Variants in LINGO1 observed in about 807,000 individuals in gnomAD.
The protein encoded by LINGO1 is leucine-rich repeat and immunoglobulin-like domain-containing nogo receptor-interacting protein 1.
Under a neutral mutation model 37.3 loss-of-function variants are expected in LINGO1, and 11 were observed. The ratio of observed to expected loss-of-function variants is 0.29; its 90% CI spans 0.19 to 0.49. The LOEUF (loss-of-function observed/expected upper bound fraction) is 0.49, where lower values mean the gene tolerates loss of function less well. Among genes scored for constraint, LINGO1 ranks in the 20% least tolerant of loss-of-function variants. The pLI is 0.99. For synonymous variants in LINGO1, 387 were observed against 403.0 expected, an observed-to-expected ratio of 0.96 and a Z score of 0.48; for missense variants, 585 against 878.2, an observed-to-expected ratio of 0.67 and a Z score of 4.22.
chr15:77,766,529 C>T (rs2076532162), intron 1 of LINGO1, among the ~76,000 whole-genome samples: 1 of 152,058 alleles, frequency 6.6e-6, no homozygotes, highest in African/African-American at 2.4e-5. Flanking sequence ...CCCCATAATC[C>T]CCACGTGTCA....
At chr15:77,635,128 G>C (rs1044425372), upstream of LINGO1, among the ~76,000 whole-genome samples, 1 of 152,192 alleles carries the variant, frequency 6.6e-6, no homozygotes, top group African/African-American at 2.4e-5. Flanking sequence ...TGATCCCTCC[G>C]CGCCTCGGAG....
At chr15:77,689,206 G>C (rs2075561703) in intron 2 of LINGO1, among the ~76,000 whole-genome samples, 1 of 152,136 alleles carries the variant, frequency 6.6e-6, no homozygotes, top group South Asian at 2.1e-4. Context: ...GCCTGGGTGT[G>C]GAAGAGGTTT....
intron 3 of LINGO1, among the ~76,000 whole-genome samples, chr15:77,668,690 A>T (rs1460841587): frequency 6.6e-6 from 1 of 151,864 alleles, no homozygotes; most frequent in Non-Finnish European, 1.5e-5. Flanking sequence ...CACACACAGA[A>T]GCACAGCCCC....
intron 1 of LINGO1, among the ~76,000 whole-genome samples, chr15:77,621,396 A>G (rs1182750906): frequency 3.3e-5 from 5 of 152,222 alleles, no homozygotes; most frequent in Non-Finnish European, 7.3e-5. Flanking sequence ...AGATGCTTTC[A>G]AAAGAGATCT....
chr15:77,681,293 GA>G lies in LINGO1; in HGVS notation c.-98-4120del, dbSNP rs1177323038. Among the ~76,000 whole-genome samples, 3 of 151,900 alleles carry G rather than the reference GA, an allele frequency of 2.0e-5. No individual in the cohort carries two copies. In the South Asian group the frequency reaches 6.2e-4, roughly 32 times the overall value. ...GCAGGCTGAGGTTTTCATCCTGCTT[GA>G]ACACCTTTTGCATCCACCATCATGG... On this transcript the variant is annotated intron_variant, in intron 2 of 3. Transcript: ENST00000559893.
intron 3 of LINGO1, among the ~76,000 whole-genome samples, chr15:77,655,602 G>T (rs1219718861): frequency 6.6e-6 from 1 of 152,086 alleles, no homozygotes; most frequent in African/African-American, 2.4e-5. Flanking sequence ...CACTCTGGCC[G>T]CTCCACTGGC....
At chr15:77,626,845 C>G (rs1261243849) in intron 1 of LINGO1, among the ~76,000 whole-genome samples, 1 of 143,480 alleles carries the variant, frequency 7.0e-6, no homozygotes, top group African/African-American at 2.6e-5. Context: ...TGGATCAAGG[C>G]TACTGCAGGA....
rs1171094381 is a variant in LINGO1, at chr15:77,663,550, C to T, written c.-13+13539G>A. 2.6e-5 allele frequency among the ~76,000 whole-genome samples: 4 copies of T among 152,190 alleles called. No individual in the cohort carries two copies. The East Asian group carries it at 7.7e-4, about 29-fold the overall frequency. ...ATGTATCCTGAAATGGCAGTGACAT[C>T]TTCAGGTATTTATCTGCCCTTCTCT... On this transcript the variant is annotated intron_variant, in intron 3 of 3. Transcript: ENST00000559893.
At chr15:77,799,022 A>T (rs1399441918) in intron 1 of LINGO1, among the ~76,000 whole-genome samples, 1 of 152,156 alleles carries the variant, frequency 6.6e-6, no homozygotes, top group Non-Finnish European at 1.5e-5. Flanking sequence ...ACAGAGCTTG[A>T]GAGGCCCACG....
intron 1 of LINGO1, among the ~76,000 whole-genome samples, chr15:77,738,057 C>A (rs1334575465): frequency 6.6e-6 from 1 of 152,146 alleles, no homozygotes; most frequent in Non-Finnish European, 1.5e-5. Context: ...AATTATGTTT[C>A]CCTCAGCCTT....
intron 1 of LINGO1, among the ~76,000 whole-genome samples, chr15:77,741,576 G>A (rs917082927): frequency 3.3e-5 from 5 of 152,176 alleles, no homozygotes; most frequent in Admixed American, 3.3e-4. Context: ...GGAGGGGCAG[G>A]CCGCAGGCCC....
At chr15:77,801,849 C>T (rs1032128092) in intron 1 of LINGO1, among the ~76,000 whole-genome samples, 1 of 152,208 alleles carries the variant, frequency 6.6e-6, no homozygotes, top group East Asian at 1.9e-4. Flanking sequence ...GCTCAAGGTA[C>T]ACCGGCAGCC....
intron 1 of LINGO1, among the ~76,000 whole-genome samples, chr15:77,802,583 T>C (rs2076928632): frequency 6.6e-6 from 1 of 152,078 alleles, no homozygotes; most frequent in African/African-American, 2.4e-5. Flanking sequence ...AGAAGGAGCA[T>C]AAGGCCCCCT....
intron 1 of LINGO1, among the ~76,000 whole-genome samples, chr15:77,817,691 C>T (rs955138305): frequency 2.6e-5 from 4 of 152,150 alleles, no homozygotes; most frequent in South Asian, 2.1e-4. Flanking sequence ...AGCAGGAGCC[C>T]GCCTGCCAGG....
chr15:77,690,271 G>A (rs990902031), intron 2 of LINGO1, among the ~76,000 whole-genome samples: 1 of 152,162 alleles, frequency 6.6e-6, no homozygotes, highest in African/African-American at 2.4e-5. Flanking sequence ...GAGCTGAATC[G>A]AGATCAACTC....
In LINGO1 at chr15:77,796,711, C is replaced by CTTT. The variant is rs59535084; in HGVS notation, c.-457-661_-457-659dup. On this transcript the variant is annotated intron_variant, in intron 1 of 5. Transcript: ENST00000562933. ...CCTCCCATTCCCCAGCCTCTCCTGCCTTTTTTTTTTTTTTTAAAGAGGCAG... is the reference window on the plus strand; with the variant it reads ...CCTCCCATTCCCCAGCCTCTCCTGCCTTTTTTTTTTTTTTTTTTAAAGAGGCAG... Among the ~76,000 whole-genome samples, 11 of 142,704 alleles carry CTTT rather than the reference C, an allele frequency of 7.7e-5. No individual in the cohort carries two copies. The East Asian group carries it at 1.5e-3, about 19-fold the overall frequency. 93.6% of individuals were successfully genotyped at this position (142,704 alleles called of 152,430 possible).
intron 2 of LINGO1, among the ~76,000 whole-genome samples, chr15:77,681,692 G>A (rs1001866846): frequency 6.6e-6 from 1 of 152,126 alleles, no homozygotes; most frequent in Non-Finnish European, 1.5e-5. Flanking sequence ...AGGTTCAGAG[G>A]CAAATGGTGA....
chr15:77,663,400 C>G (rs570053028), intron 3 of LINGO1, among the ~76,000 whole-genome samples: 2 of 152,262 alleles, frequency 1.3e-5, no homozygotes, highest in Admixed American at 1.3e-4. Context: ...GCCACCTCCC[C>G]CTGCCACCCA....
intron 2 of LINGO1, among the ~76,000 whole-genome samples, chr15:77,714,674 C>T (rs1006764353): frequency 5.9e-5 from 9 of 152,256 alleles, no homozygotes; most frequent in African/African-American, 2.2e-4. Context: ...GGCAGGCACT[C>T]AGTAATGTCT....
Sources: allele counts gnomAD v4.1 joint callset (sites outside exome capture counted in the v4.1 genomes callset), GRCh38; gene constraint gnomAD v4.1.1; transcripts MANE v1.5; gene names NCBI Gene and HGNC (gene_info 2026-07-23, HGNC 2026-07-21).